CNTNAP2: variants seen among roughly 807,000 people sequenced by gnomAD.
The protein encoded by CNTNAP2 is contactin associated protein 2, also known as contactin-associated protein-like 2.
CNTNAP2 carries 98 observed loss-of-function variants against 155.2 expected under a neutral mutation model. The observed-to-expected ratio is 0.63, with a 90% CI of 0.54 to 0.75. The LOEUF is 0.75. Among genes scored for constraint, CNTNAP2 ranks in the 30% least tolerant of loss-of-function variants. The pLI is 0.00. For missense variants in CNTNAP2, 1,727 were observed against 1,688.1 expected (o/e 1.02, Z -0.40); for synonymous variants, 651 against 631.2 (o/e 1.03, Z -0.47).
intron 21 of CNTNAP2, among the ~76,000 whole-genome samples, chr7:148,336,331 G>A (rs1163085757): frequency 1.3e-5 from 2 of 151,684 alleles, no homozygotes; most frequent in Admixed American, 6.6e-5. Flanking sequence ...AGAGAAATAT[G>A]GAAGGAAAAA....
chr7:146,121,522 G>A (rs1797563149), intron 1 of CNTNAP2, among the ~76,000 whole-genome samples: 1 of 152,144 alleles, frequency 6.6e-6, no homozygotes. Flanking sequence ...ATTGATGTCA[G>A]TGGGATGAAG....
chr7:146,840,052 G>C (rs964303151), intron 3 of CNTNAP2, 148 bp downstream of exon 3: 10 of 958,178 alleles, frequency 1.0e-5, no homozygotes, highest in Non-Finnish European at 1.6e-5. Context: ...ATGGAAGAAA[G>C]TTTCTTCAGG....
chr7:148,306,360 C>T (rs1797492549), intron 21 of CNTNAP2, among the ~76,000 whole-genome samples: 1 of 152,168 alleles, frequency 6.6e-6, no homozygotes, highest in Non-Finnish European at 1.5e-5. Context: ...CGTTCTTGAA[C>T]TCTAGGAATA....
chr7:146,906,152 C>CGCCCA (rs1796120400), intron 3 of CNTNAP2, among the ~76,000 whole-genome samples: 1 of 152,222 alleles, frequency 6.6e-6, no homozygotes, highest in South Asian at 2.1e-4. Flanking sequence ...GAGGGTCCTA[C>CGCCCA]GCCCACGGAG....
chr7:147,237,049 CTTTTTTTTTTTTTTTTTTTT>C (rs548220734), intron 8 of CNTNAP2, among the ~76,000 whole-genome samples: 5 of 57,478 alleles, frequency 8.7e-5, no homozygotes, highest in South Asian at 1.2e-3. Context: ...TTCACCTCCT[CTTTTTTTTTTTTTTTTTTTT>C]TTTTTTTTTT....
At chr7:148,084,807 G>A (rs1345933870) in intron 15 of CNTNAP2, among the ~76,000 whole-genome samples, 4 of 152,154 alleles carry the variant, frequency 2.6e-5, no homozygotes, top group African/African-American at 9.7e-5. Flanking sequence ...GGAGTGCATA[G>A]GTATAGAACT....
intron 4 of CNTNAP2, among the ~76,000 whole-genome samples, chr7:147,053,134 G>A (rs1415971747): frequency 1.3e-5 from 2 of 152,042 alleles, no homozygotes; most frequent in Non-Finnish European, 2.9e-5. Context: ...TGATGAAAGT[G>A]CACATGATAG....
chr7:146,446,978 A>G (rs1796411201), intron 1 of CNTNAP2, among the ~76,000 whole-genome samples: 1 of 152,050 alleles, frequency 6.6e-6, no homozygotes, highest in Admixed American at 6.6e-5. Flanking sequence ...TATGGCTTCA[A>G]TACCTAGCAA....
At chr7:147,238,176 G>A (rs1050514762) in intron 8 of CNTNAP2, among the ~76,000 whole-genome samples, 7 of 152,074 alleles carry the variant, frequency 4.6e-5, no homozygotes, top group South Asian at 2.1e-4. Context: ...CACCACGCCC[G>A]GCTAATTTTT....
At chr7:146,536,826 A>G (rs1235158865) in intron 1 of CNTNAP2, among the ~76,000 whole-genome samples, 1 of 152,098 alleles carries the variant, frequency 6.6e-6, no homozygotes, top group African/African-American at 2.4e-5. Flanking sequence ...TTTCCCCAAA[A>G]TATTAATAAA....
At chr7:148,037,576 C>T (rs1364634637) in intron 15 of CNTNAP2, among the ~76,000 whole-genome samples, 1 of 152,180 alleles carries the variant, frequency 6.6e-6, no homozygotes, top group African/African-American at 2.4e-5. Context: ...ATACAGTAGT[C>T]CCCCCTTGTC....
At chr7:147,831,324 A>C (rs1798541541) in intron 13 of CNTNAP2, among the ~76,000 whole-genome samples, 1 of 152,242 alleles carries the variant, frequency 6.6e-6, no homozygotes, top group African/African-American at 2.4e-5. Flanking sequence ...TATGCTACTA[A>C]CTATACCTTG....
rs1405143217 is a variant in CNTNAP2, at chr7:147,153,275, C to A, written c.1348+20766C>A. 2.0e-5 allele frequency among the ~76,000 whole-genome samples: 3 copies of A among 151,884 alleles called. No individual in the cohort carries two copies. In the East Asian group the frequency reaches 5.8e-4, roughly 29 times the overall value. On this transcript the variant is annotated intron_variant, in intron 8 of 23. Coordinates refer to ENST00000361727, the MANE Select transcript of CNTNAP2 (RefSeq NM_014141.6). ...AAAAAGCTTTCTGAACTATAGAGAG[C>A]TTAAACTGTTGTAGAAGTAGCAAAC...
intron 14 of CNTNAP2, among the ~76,000 whole-genome samples, chr7:147,913,694 A>G (rs1800108645): frequency 6.6e-6 from 1 of 152,226 alleles, no homozygotes; most frequent in Admixed American, 6.5e-5. Context: ...GAGTCAGACC[A>G]TCTACGTTTA....
chr7:148,383,935 C>T, intron 22 of CNTNAP2, 47 bp downstream of exon 22: 5 of 1,584,616 alleles, frequency 3.2e-6, no homozygotes, highest in Non-Finnish European at 3.4e-6. Flanking sequence ...TTCTTTAAAC[C>T]TCAGTCTCTT....
chr7:146,308,144 A>G (rs1800749763), intron 1 of CNTNAP2, among the ~76,000 whole-genome samples: 1 of 152,310 alleles, frequency 6.6e-6, no homozygotes, highest in African/African-American at 2.4e-5. Flanking sequence ...AAAATCAAAC[A>G]ACCCCATCAA....
intron 14 of CNTNAP2, among the ~76,000 whole-genome samples, chr7:147,912,803 G>A (rs572708746): frequency 1.3e-5 from 2 of 152,232 alleles, no homozygotes; most frequent in African/African-American, 2.4e-5. Flanking sequence ...CCTACAGGAG[G>A]AACATTTGCT....
chr7:146,862,229 G>A (rs1049880611), intron 3 of CNTNAP2, among the ~76,000 whole-genome samples: 6 of 152,020 alleles, frequency 3.9e-5, no homozygotes, highest in Admixed American at 1.3e-4. Flanking sequence ...AGTACTTAGC[G>A]TTTGATATAT....
intron 1 of CNTNAP2, among the ~76,000 whole-genome samples, chr7:146,622,162 T>C (rs13309286): frequency 2.1e-5 from 3 of 145,548 alleles, no homozygotes; most frequent in East Asian, 2.0e-4. Flanking sequence ...TATATATATA[T>C]ACACACACGT....
Sources: gnomAD v4.1 joint callset for allele counts (sites outside exome capture counted in the v4.1 genomes callset) on GRCh38, gnomAD v4.1.1 for gene constraint, MANE v1.5 for transcripts, NCBI Gene and HGNC (gene_info 2026-07-23, HGNC 2026-07-21) for gene names.